The following GPHN variants were observed in gnomAD, a reference collection of about 807,000 sequenced individuals.
The protein encoded by GPHN is gephyrin.
GPHN carries 17 observed loss-of-function variants against 95.5 expected under a neutral mutation model. The observed-to-expected ratio is 0.18, with a 90% CI of 0.12 to 0.27. GPHN has a LOEUF of 0.27. Ranked by LOEUF, GPHN falls within the 10% of genes least tolerant of loss-of-function variation. The pLI is 1.00. For synonymous variants in GPHN, 320 were observed against 322.5 expected, an observed-to-expected ratio of 0.99 and a Z score of 0.08; for missense variants, 660 against 978.1, an observed-to-expected ratio of 0.67 and a Z score of 4.34.
chr14:67,392,929 T>C, the GPHN span: 11 of 1,248,834 alleles, frequency 8.8e-6, no homozygotes, highest in Non-Finnish European at 1.1e-6. Flanking sequence ...CTCACTGACC[T>C]TGGCCCTCTG....
At chr14:66,563,980 C>T (rs2060363550) in intron 1 of GPHN, among the ~76,000 whole-genome samples, 1 of 152,024 alleles carries the variant, frequency 6.6e-6, no homozygotes, top group African/African-American at 2.4e-5. Context: ...ACACAGTAAG[C>T]GTTTGATGAA....
chr14:66,941,127 A>C (rs1378399567), intron 8 of GPHN, among the ~76,000 whole-genome samples: 1 of 151,554 alleles, frequency 6.6e-6, no homozygotes, highest in Non-Finnish European at 1.5e-5. Flanking sequence ...CTACAGCTGG[A>C]GATTGCTGGA....
intron 3 of GPHN, among the ~76,000 whole-genome samples, chr14:66,802,435 C>CTA (rs1361418615): frequency 1.3e-5 from 2 of 152,150 alleles, no homozygotes; most frequent in East Asian, 3.9e-4. Flanking sequence ...TCCCAAGAGC[C>CTA]TACTTGATGC....
At chr14:67,435,523 G>T in the GPHN span, among the ~76,000 whole-genome samples, 1 of 152,248 alleles carries the variant, frequency 6.6e-6, no homozygotes, top group Non-Finnish European at 1.5e-5. Flanking sequence ...CCACAACAGG[G>T]TATGGCGGCT....
intron 8 of GPHN, among the ~76,000 whole-genome samples, chr14:66,953,588 C>T (rs561561728): frequency 2.6e-5 from 4 of 152,264 alleles, no homozygotes; most frequent in South Asian, 2.1e-4. Flanking sequence ...ATGTCCTTTC[C>T]AGTTAATTGC....
the GPHN span, among the ~76,000 whole-genome samples, chr14:67,238,834 G>T: frequency 2.0e-5 from 3 of 151,834 alleles, no homozygotes; most frequent in Non-Finnish European, 2.9e-5. Context: ...GTAGAGATGG[G>T]TTTTTGCCAT....
chr14:66,944,791 A>T (rs2067645673), intron 8 of GPHN, among the ~76,000 whole-genome samples: 1 of 152,212 alleles, frequency 6.6e-6, no homozygotes, highest in Non-Finnish European at 1.5e-5. Flanking sequence ...ACAGAGTGAA[A>T]CCCCTTTCCC....
At chr14:66,564,930 C>T (rs2060401233) in intron 1 of GPHN, among the ~76,000 whole-genome samples, 1 of 152,118 alleles carries the variant, frequency 6.6e-6, no homozygotes, top group South Asian at 2.1e-4. Context: ...TGTTCTTGTC[C>T]TTCTTCCTGT....
the GPHN span, among the ~76,000 whole-genome samples, chr14:67,262,567 T>G: frequency 6.6e-6 from 1 of 152,164 alleles, no homozygotes. Flanking sequence ...TCCTGCCATG[T>G]GTAAAGGAAT....
chr14:67,143,785 C>T (rs1316629699), intron 18 of GPHN, among the ~76,000 whole-genome samples: 1 of 151,992 alleles, frequency 6.6e-6, no homozygotes, highest in Non-Finnish European at 1.5e-5. Flanking sequence ...AAGATCCTTC[C>T]TTCTACTCAA....
intron 10 of GPHN, among the ~76,000 whole-genome samples, chr14:67,057,417 G>T (rs949234909): frequency 4.6e-5 from 7 of 150,660 alleles, no homozygotes; most frequent in South Asian, 2.1e-4. Flanking sequence ...TGGGTGGGGG[G>T]GGCAACAGCA....
chr14:66,663,638 T>G (rs1232730362), intron 1 of GPHN, among the ~76,000 whole-genome samples: 1 of 152,102 alleles, frequency 6.6e-6, no homozygotes, highest in Non-Finnish European at 1.5e-5. Context: ...ATAACAATAC[T>G]AACCTCAAAT....
chr14:67,586,727 C>A, the GPHN span: 1 of 1,082,874 alleles, frequency 9.2e-7, no homozygotes, highest in Admixed American at 3.4e-5. Context: ...GTTTGCCAAA[C>A]CTACTCCTCC....
At chr14:67,577,171 C>T in the GPHN span, 1 of 670,324 alleles carries the variant, frequency 1.5e-6, no homozygotes, top group Non-Finnish European at 2.6e-6. Flanking sequence ...GGATGATAAA[C>T]CCAGCACAAC....
chr14:67,288,666 C>T, the GPHN span, among the ~76,000 whole-genome samples: 2 of 152,258 alleles, frequency 1.3e-5, no homozygotes, highest in South Asian at 4.1e-4. Flanking sequence ...TTTTAAGACA[C>T]TTTAAGGCTG....
At chr14:67,681,792 T>C in the GPHN span, among the ~76,000 whole-genome samples, 8 of 152,154 alleles carry the variant, frequency 5.3e-5, no homozygotes, top group South Asian at 1.7e-3. Context: ...AAAATAAAAA[T>C]AGTTCAAAAC....
Position 67,089,089 on chromosome 14 carries a change from T to C in GPHN, c.1237+14T>C. On this transcript the variant is annotated intron_variant, in intron 12 of 22. Coordinates refer to ENST00000478722, the MANE Select transcript of GPHN (RefSeq NM_020806.5). ...ATGCTGTCCGAGGTAAATATTTTGG[T>C]TTTCTTAAACATAATCAGGCACTGT... 7.8e-7 allele frequency: 1 copy of C among 1,284,906 alleles called. No homozygotes were observed. The highest frequency in any genetic ancestry group is 1.1e-6 in the Non-Finnish European group (1 of 877,716). 79.6% of individuals were successfully genotyped at this position (1,284,906 alleles called of 1,614,324 possible).
chr14:67,703,457 T>A, the GPHN span, among the ~76,000 whole-genome samples: 1 of 152,232 alleles, frequency 6.6e-6, no homozygotes, highest in Non-Finnish European at 1.5e-5. Context: ...TTAGTAATAC[T>A]ATAAACAGTG....
intron 5 of GPHN, among the ~76,000 whole-genome samples, chr14:66,889,351 T>G (rs1369869943): frequency 6.6e-6 from 1 of 152,108 alleles, no homozygotes; most frequent in East Asian, 1.9e-4. Flanking sequence ...GGCTACAAAA[T>G]AAGTTTCAAT....
Sources: gnomAD v4.1 joint callset for allele counts (sites outside exome capture counted in the v4.1 genomes callset) on GRCh38, gnomAD v4.1.1 for gene constraint, MANE v1.5 for transcripts, NCBI Gene and HGNC (gene_info 2026-07-23, HGNC 2026-07-21) for gene names.